Variants in MNAT1 observed in about 807,000 individuals in gnomAD.
The protein encoded by MNAT1 is MNAT1 component of CDK activating kinase.
In MNAT1, 43 loss-of-function variants were observed where a neutral mutation model predicts 42.0. That is an observed-to-expected ratio of 1.02 (90% CI 0.80 to 1.32). MNAT1 has a LOEUF of 1.32. Ranked by LOEUF, MNAT1 falls within the 40% of genes most tolerant of loss-of-function variation. The pLI is 0.00. For synonymous variants in MNAT1, 118 were observed against 120.0 expected (o/e 0.98, Z 0.11); for missense variants, 306 against 350.4 (o/e 0.87, Z 1.01).
intron 1 of MNAT1, among the ~76,000 whole-genome samples, chr14:60,748,198 GA>G (rs900772970): frequency 1.3e-3 from 172 of 136,188 alleles, no homozygotes; most frequent in Middle Eastern, 7.5e-3. Context: ...CTCTGTCTCA[GA>G]AAAAAAAAAA....
At chr14:60,909,601 T>C (rs1017744860) in intron 7 of MNAT1, among the ~76,000 whole-genome samples, 10 of 152,208 alleles carry the variant, frequency 6.6e-5, no homozygotes, top group Non-Finnish European at 1.2e-4. Context: ...CATTGCTTGT[T>C]TTTCTCAGGT....
intron 3 of MNAT1, among the ~76,000 whole-genome samples, chr14:60,802,020 C>T (rs189722678): frequency 7.5e-4 from 114 of 152,156 alleles, no homozygotes; most frequent in African/African-American, 2.6e-3. Context: ...ATAAGTCAGT[C>T]ACAGAAAGAC....
At chr14:60,818,869 T>C in intron 6 of MNAT1, 22 bp downstream of exon 6, 1 of 1,602,530 alleles carries the variant, frequency 6.2e-7, no homozygotes, top group South Asian at 1.1e-5. Flanking sequence ...TTTAATTGCT[T>C]GTTTGAAAGA....
intron 6 of MNAT1, among the ~76,000 whole-genome samples, chr14:60,858,587 C>T (rs985768046): frequency 1.3e-5 from 2 of 152,024 alleles, no homozygotes; most frequent in South Asian, 2.1e-4. Context: ...AAGTTCTGTG[C>T]GTTAAATGCT....
At chr14:60,909,948 A>G (rs2035309722) in intron 7 of MNAT1, among the ~76,000 whole-genome samples, 1 of 151,952 alleles carries the variant, frequency 6.6e-6, no homozygotes, top group Non-Finnish European at 1.5e-5. Context: ...GATTCTTCCT[A>G]CCCATGAGCA....
At chr14:60,861,566 A>G (rs1345312410) in intron 6 of MNAT1, among the ~76,000 whole-genome samples, 1 of 14,828 alleles carries the variant, frequency 6.7e-5, no homozygotes, top group Non-Finnish European at 9.1e-4. Context: ...TATTTTTTTA[A>G]AAAAATTTGA....
rs369296408 is a variant in MNAT1 at position 60,827,817 on chromosome 14, T to A, written c.687+8970T>A. 2.8e-4 allele frequency among the ~76,000 whole-genome samples: 43 copies of A among 152,312 alleles called. 2 individuals carry two copies. The South Asian group carries it at 7.4e-3, about 26-fold the overall frequency. On this transcript the variant is annotated intron_variant, in intron 6 of 7. Coordinates refer to ENST00000261245, the MANE Select transcript of MNAT1 (RefSeq NM_002431.4). ...GATCTTATTATGGCATATAATTAACTAGGTGAGTATCAGGTGATTACTTTC... is the reference window on the plus strand; with the variant it reads ...GATCTTATTATGGCATATAATTAACAAGGTGAGTATCAGGTGATTACTTTC...
intron 7 of MNAT1, among the ~76,000 whole-genome samples, chr14:60,964,905 A>G (rs1594917387): frequency 2.0e-5 from 3 of 152,356 alleles, no homozygotes; most frequent in South Asian, 2.1e-4. Flanking sequence ...ACATGCTACA[A>G]TAATTAAAGG....
intron 4 of MNAT1, among the ~76,000 whole-genome samples, chr14:60,810,761 C>G (rs916882430): frequency 2.6e-5 from 4 of 152,076 alleles, no homozygotes; most frequent in Admixed American, 6.5e-5. Flanking sequence ...GTTTTGTGAC[C>G]TAACTTGTGA....
intron 1 of MNAT1, among the ~76,000 whole-genome samples, chr14:60,747,258 A>G (rs1374641004): frequency 6.6e-6 from 1 of 152,034 alleles, no homozygotes; most frequent in African/African-American, 2.4e-5. Context: ...TGCTAGGATT[A>G]CAGGCGTGAG....
chr14:60,771,844 G>A (rs2031070779), intron 1 of MNAT1, among the ~76,000 whole-genome samples: 1 of 152,134 alleles, frequency 6.6e-6, no homozygotes, highest in African/African-American at 2.4e-5. Flanking sequence ...CTACATGATG[G>A]GCACCTAATG....
At chr14:60,869,035 TATA>T (rs1267248283) in intron 6 of MNAT1, among the ~76,000 whole-genome samples, 2 of 89,546 alleles carry the variant, frequency 2.2e-5, no homozygotes, top group Non-Finnish European at 5.1e-5. Flanking sequence ...TATATATATA[TATA>T]TATTTTTTTT....
chr14:60,837,147 G>C (rs1160138300), intron 6 of MNAT1, among the ~76,000 whole-genome samples: 1 of 152,224 alleles, frequency 6.6e-6, no homozygotes, highest in African/African-American at 2.4e-5. Flanking sequence ...GTGTTTCTTA[G>C]CTTGCTGGGC....
intron 7 of MNAT1, among the ~76,000 whole-genome samples, chr14:60,892,182 A>G (rs1211047470): frequency 1.3e-5 from 2 of 152,010 alleles, no homozygotes; most frequent in East Asian, 1.9e-4. Context: ...GGTTTATTCT[A>G]TTGTTCAAGT....
intron 6 of MNAT1, among the ~76,000 whole-genome samples, chr14:60,849,985 T>C (rs1325266642): frequency 6.6e-6 from 1 of 152,046 alleles, no homozygotes; most frequent in African/African-American, 2.4e-5. Flanking sequence ...TACAGGTGCC[T>C]GGCACCACAC....
At chr14:60,744,987 G>A (rs1204043341) in intron 1 of MNAT1, among the ~76,000 whole-genome samples, 1 of 152,140 alleles carries the variant, frequency 6.6e-6, no homozygotes, top group Non-Finnish European at 1.5e-5. Flanking sequence ...CACATGTGCA[G>A]CCTATTTCTT....
intron 3 of MNAT1, among the ~76,000 whole-genome samples, chr14:60,801,932 A>T (rs939576542): frequency 6.6e-6 from 1 of 152,242 alleles, no homozygotes; most frequent in East Asian, 1.9e-4. Context: ...ACCATGGAAT[A>T]CTTCAGCCTT....
intron 6 of MNAT1, among the ~76,000 whole-genome samples, chr14:60,843,101 G>C (rs1394794137): frequency 6.6e-6 from 1 of 152,130 alleles, no homozygotes; most frequent in Non-Finnish European, 1.5e-5. Context: ...AAAGCAGCTG[G>C]CTGGGCACAG....
chr14:60,886,526 G>A (rs2034674839), intron 7 of MNAT1, among the ~76,000 whole-genome samples: 1 of 151,434 alleles, frequency 6.6e-6, no homozygotes, highest in Non-Finnish European at 1.5e-5. Flanking sequence ...CTAATGTAAT[G>A]TTTTGATTAC....
Sources: allele counts gnomAD v4.1 joint callset (sites outside exome capture counted in the v4.1 genomes callset), GRCh38; gene constraint gnomAD v4.1.1; transcripts MANE v1.5; gene names NCBI Gene and HGNC (gene_info 2026-07-23, HGNC 2026-07-21).